The following EIF4G3 variants were observed in gnomAD, a reference collection of about 807,000 sequenced individuals.
The protein encoded by EIF4G3 is eIF-4-gamma 3.
EIF4G3 carries 34 observed loss-of-function variants against 186.4 expected under a neutral mutation model. The observed-to-expected ratio is 0.18, with a 90% CI of 0.14 to 0.24. The LOEUF (loss-of-function observed/expected upper bound fraction) is 0.24. Ranked by LOEUF, EIF4G3 falls within the 10% of genes least tolerant of loss-of-function variation. EIF4G3 has a pLI of 1.00. For missense variants in EIF4G3, 1,536 were observed against 1,948.5 expected, an observed-to-expected ratio of 0.79 and a Z score of 3.99; for synonymous variants, 673 against 679.5, an observed-to-expected ratio of 0.99 and a Z score of 0.15.
At chr1:20,808,624 T>C (rs954993474) in intron 36 of EIF4G3, among the ~76,000 whole-genome samples, 1 of 152,140 alleles carries the variant, frequency 6.6e-6, no homozygotes, top group East Asian at 1.9e-4. Flanking sequence ...GAGCTTGCAG[T>C]GAGCTGAGAT....
intron 3 of EIF4G3, among the ~76,000 whole-genome samples, chr1:21,086,138 C>T (rs534221354): frequency 7.0e-4 from 105 of 148,962 alleles, no homozygotes; most frequent in Non-Finnish European, 1.3e-3. Context: ...AATTGATCTA[C>T]AATAGGTGTT....
At chr1:20,911,241 A>G (rs2093142929) in intron 14 of EIF4G3, among the ~76,000 whole-genome samples, 2 of 152,068 alleles carry the variant, frequency 1.3e-5, no homozygotes, top group African/African-American at 4.8e-5. Flanking sequence ...AAAACGAAAA[A>G]CCAAAAATAG....
chr1:21,106,689 G>GA (rs1171492775), intron 2 of EIF4G3, among the ~76,000 whole-genome samples: 2 of 151,994 alleles, frequency 1.3e-5, no homozygotes, highest in East Asian at 1.9e-4. Flanking sequence ...ATACAAATTT[G>GA]AAAGTAATGA....
intron 2 of EIF4G3, among the ~76,000 whole-genome samples, chr1:21,155,918 G>C (rs905810931): frequency 1.3e-5 from 2 of 152,046 alleles, no homozygotes; most frequent in African/African-American, 4.8e-5. Flanking sequence ...CTTGAGGTCA[G>C]GAGTTCAAGA....
intron 4 of EIF4G3, among the ~76,000 whole-genome samples, chr1:21,010,757 G>A (rs968827580): frequency 5.3e-5 from 8 of 152,070 alleles, no homozygotes; most frequent in African/African-American, 1.9e-4. Flanking sequence ...CTAAACTTCT[G>A]CAACTCTACT....
At chr1:21,033,390 C>T (rs952854904) in intron 4 of EIF4G3, among the ~76,000 whole-genome samples, 1 of 151,712 alleles carries the variant, frequency 6.6e-6, no homozygotes, top group Admixed American at 6.6e-5. Flanking sequence ...GAAAAAGTTC[C>T]AGAAACATGA....
intron 36 of EIF4G3, among the ~76,000 whole-genome samples, chr1:20,808,735 A>G (rs2058644673): frequency 6.6e-6 from 1 of 152,212 alleles, no homozygotes; most frequent in African/African-American, 2.4e-5. Context: ...AAGCTATCTC[A>G]TCTGGATTTT....
intron 2 of EIF4G3, among the ~76,000 whole-genome samples, chr1:21,108,902 C>CAAAAA (rs767728797): frequency 2.1e-4 from 7 of 33,168 alleles, no homozygotes; most frequent in East Asian, 8.2e-4. Flanking sequence ...GACTCCATCT[C>CAAAAA]AAAAAAAAAA....
At chr1:20,861,337 G>C (rs1161333648) in intron 23 of EIF4G3, among the ~76,000 whole-genome samples, 1 of 151,806 alleles carries the variant, frequency 6.6e-6, no homozygotes, top group Non-Finnish European at 1.5e-5. Context: ...ACTTAAAACA[G>C]AGAAAAGTAG....
At chr1:20,889,742 G>A (rs1441221185) in intron 18 of EIF4G3, among the ~76,000 whole-genome samples, 5 of 151,870 alleles carry the variant, frequency 3.3e-5, no homozygotes, top group African/African-American at 9.7e-5. Flanking sequence ...CACCTGCCTC[G>A]GCCTCCCAAA....
intron 13 of EIF4G3, among the ~76,000 whole-genome samples, chr1:20,945,964 A>G (rs1192290139): frequency 6.6e-6 from 1 of 152,236 alleles, no homozygotes; most frequent in East Asian, 1.9e-4. Flanking sequence ...TGTAGTTTCC[A>G]TAAAGAGTGC....
chr1:20,878,001 G>A (rs947916082), intron 20 of EIF4G3, among the ~76,000 whole-genome samples: 5 of 152,006 alleles, frequency 3.3e-5, no homozygotes, highest in African/African-American at 1.2e-4. Flanking sequence ...ACGCTACCAT[G>A]CCTGGCTAAT....
chr1:21,111,920 C>T (rs774753749), intron 2 of EIF4G3, among the ~76,000 whole-genome samples: 2 of 152,176 alleles, frequency 1.3e-5, no homozygotes, highest in South Asian at 2.1e-4. Flanking sequence ...GAGAAAACTG[C>T]TTTTCTTACA....
intron 3 of EIF4G3, among the ~76,000 whole-genome samples, chr1:21,052,378 T>A (rs1330851647): frequency 6.6e-6 from 1 of 152,230 alleles, no homozygotes; most frequent in Non-Finnish European, 1.5e-5. Context: ...CCTTAAGGAA[T>A]AGTTCTTAAA....
chr1:21,040,099 A>G (rs2093475830), intron 4 of EIF4G3, among the ~76,000 whole-genome samples: 1 of 152,234 alleles, frequency 6.6e-6, no homozygotes, highest in South Asian at 2.1e-4. Context: ...TTTGTATGCT[A>G]ATGTTGACTG....
intron 12 of EIF4G3, among the ~76,000 whole-genome samples, chr1:20,967,961 A>T (rs910936272): frequency 6.6e-6 from 1 of 152,134 alleles, no homozygotes; most frequent in Non-Finnish European, 1.5e-5. Context: ...CTTTCACTTT[A>T]GACAATTTTT....
chr1:21,010,832 G>A (rs2086827254), intron 4 of EIF4G3, among the ~76,000 whole-genome samples: 1 of 152,186 alleles, frequency 6.6e-6, no homozygotes, highest in South Asian at 2.1e-4. Context: ...GACAGTGACA[G>A]AGACCTATCA....
chr1:20,840,153 T>C (rs2068078835), intron 30 of EIF4G3, among the ~76,000 whole-genome samples: 1 of 152,168 alleles, frequency 6.6e-6, no homozygotes, highest in South Asian at 2.1e-4. Flanking sequence ...AAATTTCACT[T>C]TAAACATTGG....
rs368909989 is a variant in EIF4G3, at chr1:21,087,766, T to C, written c.-196+1372A>G. On this transcript the variant is annotated intron_variant, in intron 3 of 36. Coordinates refer to ENST00000602326, the MANE Select transcript of EIF4G3 (RefSeq NM_001391906.1). Reference sequence around the variant, plus strand: ...CTCCTGCCTCAGCCTCCTGAGTAGCTGGGACTACAGGCGCCCGCCACCATG... The same window carrying C: ...CTCCTGCCTCAGCCTCCTGAGTAGCCGGGACTACAGGCGCCCGCCACCATG... 2.8e-4 allele frequency among the ~76,000 whole-genome samples: 42 copies of C among 152,238 alleles called. 1 individual carries two copies. In the East Asian group the frequency reaches 7.2e-3, roughly 26 times the overall value.
Sources: allele counts gnomAD v4.1 joint callset (sites outside exome capture counted in the v4.1 genomes callset), GRCh38; gene constraint gnomAD v4.1.1; transcripts MANE v1.5; gene names NCBI Gene and HGNC (gene_info 2026-07-23, HGNC 2026-07-21).